The following TMPRSS6 variants were observed in gnomAD, a reference collection of about 807,000 sequenced individuals.
TMPRSS6 encodes the protein transmembrane protease serine 6.
In TMPRSS6, 67 loss-of-function variants were observed where a neutral mutation model predicts 101.5. The observed-to-expected ratio is 0.66, with a 90% CI of 0.54 to 0.81. TMPRSS6 has a LOEUF of 0.81. Among genes scored for constraint, TMPRSS6 ranks in the 30% least tolerant of loss-of-function variants. The pLI is 0.00. For missense variants in TMPRSS6, 1,034 were observed against 1,088.7 expected, an observed-to-expected ratio of 0.95 and a Z score of 0.71; for synonymous variants, 453 against 464.9, an observed-to-expected ratio of 0.97 and a Z score of 0.33.
At chr22:37,093,411 T>G (rs1219206295) in intron 6 of TMPRSS6, among the ~76,000 whole-genome samples, 2 of 104,820 alleles carry the variant, frequency 1.9e-5, no homozygotes, top group Non-Finnish European at 3.9e-5. Flanking sequence ...TTTTTTTTTT[T>G]TGAGATGGAG....
intron 6 of TMPRSS6, among the ~76,000 whole-genome samples, chr22:37,089,983 C>G (rs1312633865): frequency 6.6e-6 from 1 of 152,250 alleles, no homozygotes; most frequent in African/African-American, 2.4e-5. Flanking sequence ...TTGGTTCAGT[C>G]ATTCACTCAT....
chr22:37,093,279 A>G (rs1293324040), intron 6 of TMPRSS6, among the ~76,000 whole-genome samples: 2 of 151,982 alleles, frequency 1.3e-5, no homozygotes, highest in Non-Finnish European at 2.9e-5. Flanking sequence ...TGCCAGGAAC[A>G]TGGGGACACA....
At chr22:37,070,840 A>T in intron 14 of TMPRSS6, 76 bp downstream of exon 14, 1 of 1,479,530 alleles carries the variant, frequency 6.8e-7, no homozygotes, top group Non-Finnish European at 9.4e-7. Context: ...CAACAGTGAG[A>T]TTTCCCTCCA....
At chr22:37,095,713 T>C (rs1346010569) in intron 5 of TMPRSS6, 121 bp from the exon 6 acceptor site, 3 of 1,239,258 alleles carry the variant, frequency 2.4e-6, no homozygotes, top group African/African-American at 1.5e-5. Flanking sequence ...AGATTTACCC[T>C]AAATGCCCCC....
chr22:37,070,768 G>T, intron 14 of TMPRSS6, 116 bp from the exon 15 acceptor site: 3 of 1,334,768 alleles, frequency 2.2e-6, no homozygotes, highest in East Asian at 2.3e-5. Context: ...AATGATGGAG[G>T]GGGAGAGACC....
chr22:37,069,366 TGGG>T lies in TMPRSS6; in HGVS notation c.1842-25_1842-23del. The T allele has an allele frequency of 4.9e-5, 5 of 101,352 alleles. No individual in the cohort carries two copies. Among genetic ancestry groups the T allele is most frequent in the South Asian group, 1.4e-4 (2 of 13,972 alleles). 6.3% of individuals were successfully genotyped at this position (101,352 alleles called of 1,614,324 possible). On this transcript the variant is annotated intron_variant, in intron 15 of 17. Transcript: ENST00000676104. The surrounding 1 kb of genome is among the most constrained non-coding windows in gnomAD (Gnocchi z 4.8). ...CATGCTGGGGTGGGGTGGGGTGGGG[TGGG>T]GTGGGGTGAGGTGAGGTGGGAGGAA...
At chr22:37,086,556 C>A (rs981876778) in intron 7 of TMPRSS6, 137 bp from the exon 8 acceptor site, 1 of 888,382 alleles carries the variant, frequency 1.1e-6, no homozygotes, top group Non-Finnish European at 1.8e-6. Flanking sequence ...CTACCAGAGA[C>A]CACTGTGTGT....
chr22:37,095,231 G>C (rs1240791257), intron 6 of TMPRSS6, among the ~76,000 whole-genome samples: 1 of 152,196 alleles, frequency 6.6e-6, no homozygotes, highest in Non-Finnish European at 1.5e-5. Flanking sequence ...TTGTGGGCAG[G>C]TTGAAGTGAA....
At chr22:37,095,673 A>G in intron 5 of TMPRSS6, 81 bp from the exon 6 acceptor site, 1 of 1,440,492 alleles carries the variant, frequency 6.9e-7, no homozygotes, top group Middle Eastern at 2.1e-4. Flanking sequence ...AAATAAAATT[A>G]GAGGAGACCC....
intron 2 of TMPRSS6, among the ~76,000 whole-genome samples, chr22:37,102,197 C>T (rs776139072): frequency 6.6e-6 from 1 of 152,248 alleles, no homozygotes; most frequent in Admixed American, 6.5e-5. Flanking sequence ...TAATGGGATG[C>T]TTCTGATCAC....
chr22:37,090,286 G>T (rs1371902294), intron 6 of TMPRSS6, among the ~76,000 whole-genome samples: 1 of 152,232 alleles, frequency 6.6e-6, no homozygotes, highest in Non-Finnish European at 1.5e-5. Context: ...GAGGATGGGC[G>T]CTGCTTTCTC....
At chr22:37,084,515 G>A in intron 9 of TMPRSS6, 111 bp from the exon 10 acceptor site, 1 of 900,066 alleles carries the variant, frequency 1.1e-6, no homozygotes, top group Non-Finnish European at 1.8e-6. Flanking sequence ...TGGGGCTAAA[G>A]TCTGTCAGTC....
Position 37,079,483 on chromosome 22 carries a change from G to A in TMPRSS6, c.1197-4203C>T, listed in dbSNP as rs528141693. On this transcript the variant is annotated intron_variant, in intron 10 of 17. Coordinates refer to ENST00000676104, the MANE Select transcript of TMPRSS6 (RefSeq NM_001374504.1). ...AGAAGGAAGAAGGAAAGAAGGGTGCGTGGGTGGATGAATGCACACCCCCGT... is the reference window on the plus strand; with the variant it reads ...AGAAGGAAGAAGGAAAGAAGGGTGCATGGGTGGATGAATGCACACCCCCGT... Among the ~76,000 whole-genome samples, 27 of 152,320 alleles carry A rather than the reference G, an allele frequency of 1.8e-4. No homozygotes were observed. In the South Asian group the frequency reaches 3.1e-3, roughly 18 times the overall value.
chr22:37,103,242 G>T lies in TMPRSS6; in HGVS notation c.176C>A (p.Ala59Glu). ...TAGGAAATACCAGAGTAGCACCCCCGCCGAAGCCAGCACGAGCAGGGCCAG... is the reference window on the plus strand; with the variant it reads ...TAGGAAATACCAGAGTAGCACCCCCTCCGAAGCCAGCACGAGCAGGGCCAG... ...VLLALLVLAS[A>E]GVLLWYFLGY... Residue 59 changes from alanine to glutamate, a missense_variant, in exon 2 of 18, where the codon GCG (alanine) becomes GAG (glutamate). Transcript: ENST00000676104. The surrounding 1 kb of genome is among the most constrained non-coding windows in gnomAD (Gnocchi z 4.4). 6 of 1,614,008 alleles carry T rather than the reference G, an allele frequency of 3.7e-6. No individual in the cohort carries two copies. The highest frequency in any genetic ancestry group is 5.1e-6 in the Non-Finnish European group (6 of 1,179,916).
intron 10 of TMPRSS6, among the ~76,000 whole-genome samples, chr22:37,079,735 C>A (rs1162700965): frequency 6.6e-6 from 1 of 152,216 alleles, no homozygotes; most frequent in Non-Finnish European, 1.5e-5. Flanking sequence ...TCCCTTGTGG[C>A]ATGGTTTAAG....
chr22:37,072,178 A>G (rs1446102546), intron 13 of TMPRSS6, among the ~76,000 whole-genome samples: 3 of 126,716 alleles, frequency 2.4e-5, no homozygotes, highest in African/African-American at 9.4e-5. Context: ...TGAACGGATG[A>G]TGGATGGATG....
chr22:37,090,757 C>T (rs952858828), intron 6 of TMPRSS6, among the ~76,000 whole-genome samples: 3 of 152,124 alleles, frequency 2.0e-5, no homozygotes, highest in Middle Eastern at 3.4e-3. Context: ...CTTGCAGGGC[C>T]GCCAGCAGAG....
At position 37,091,953 on chromosome 22, in the gene TMPRSS6, G is replaced by A. The variant is rs150869733; in HGVS notation, c.632-2171C>T. On this transcript the variant is annotated intron_variant, in intron 6 of 17. Transcript: ENST00000676104. ...TGGGGAGCTGACCTCCCCAGAGAGA[G>A]AACAACAATGTCTGCCTAGGGAAGG... 2.7e-3 allele frequency among the ~76,000 whole-genome samples: 417 copies of A among 152,316 alleles called. 1 individual carries two copies. The highest frequency in any genetic ancestry group is 0.01 in the Middle Eastern group (3 of 294).
chr22:37,099,117 G>A (rs1930074808), intron 2 of TMPRSS6, among the ~76,000 whole-genome samples: 1 of 152,254 alleles, frequency 6.6e-6, no homozygotes, highest in East Asian at 1.9e-4. Context: ...ACATGGTGCT[G>A]TTGAGGGGAT....
Sources: gnomAD v4.1 joint callset for allele counts (sites outside exome capture counted in the v4.1 genomes callset) on GRCh38, gnomAD v4.1.1 for gene constraint, Gnocchi (gnomAD v3.1) non-coding constraint, MANE v1.5 for transcripts, NCBI Gene and HGNC (gene_info 2026-07-23, HGNC 2026-07-21) for gene names.